Variants in PSPC1 observed in about 807,000 individuals in gnomAD.
PSPC1 encodes paraspeckle component 1.
PSPC1 carries 14 observed loss-of-function variants against 51.6 expected under a neutral mutation model. The observed-to-expected ratio is 0.27, with a 90% CI of 0.18 to 0.42. The LOEUF (loss-of-function observed/expected upper bound fraction) is 0.42. Ranked by LOEUF, PSPC1 falls within the 10% of genes least tolerant of loss-of-function variation. The probability of loss-of-function intolerance (pLI) is 1.00; values close to 1 mark genes in which losing one functional copy is unlikely to be tolerated. For synonymous variants in PSPC1, 193 were observed against 231.9 expected (o/e 0.83, Z 1.53); for missense variants, 406 against 701.1 (o/e 0.58, Z 4.75).
chr13:19,767,262 G>A (rs991846488), intron 2 of PSPC1, among the ~76,000 whole-genome samples: 1 of 152,136 alleles, frequency 6.6e-6, no homozygotes, highest in Non-Finnish European at 1.5e-5. Context: ...CACAATCTCT[G>A]ACAAGATTGT....
intron 3 of PSPC1, among the ~76,000 whole-genome samples, chr13:19,756,490 CA>C (rs917449593): frequency 4.6e-5 from 7 of 151,760 alleles, no homozygotes; most frequent in African/African-American, 1.7e-4. Context: ...GGCATGCTGG[CA>C]AAAGGGTAAA....
downstream of PSPC1, among the ~76,000 whole-genome samples, chr13:19,701,356 A>G (rs1392373539): frequency 6.6e-6 from 1 of 151,260 alleles, no homozygotes; most frequent in Non-Finnish European, 1.5e-5. Context: ...TGCAATAGAT[A>G]TCACTGAAAA....
chr13:19,763,821 T>C (rs1209858135), intron 2 of PSPC1, among the ~76,000 whole-genome samples: 1 of 151,890 alleles, frequency 6.6e-6, no homozygotes, highest in Non-Finnish European at 1.5e-5. Context: ...GCCAACATGG[T>C]AAAACCCCAT....
chr13:19,728,681 ACTGTGAAG>A (rs1335725888), intron 6 of PSPC1, among the ~76,000 whole-genome samples: 1 of 152,184 alleles, frequency 6.6e-6, no homozygotes. Flanking sequence ...AGTAAGAGGC[ACTGTGAAG>A]CTTGGAACCA....
At chr13:19,750,010 GA>G (rs1358932973) in intron 4 of PSPC1, among the ~76,000 whole-genome samples, 11 of 152,060 alleles carry the variant, frequency 7.2e-5, no homozygotes, top group African/African-American at 2.7e-4. Flanking sequence ...AACATTTACT[GA>G]ATAGTGATGT....
At chr13:19,745,190 C>T (rs1309425201) in intron 4 of PSPC1, among the ~76,000 whole-genome samples, 3 of 152,010 alleles carry the variant, frequency 2.0e-5, no homozygotes, top group South Asian at 2.1e-4. Flanking sequence ...TGGTGGCACA[C>T]GCCTGTAGTC....
intron 5 of PSPC1, among the ~76,000 whole-genome samples, chr13:19,740,894 A>G (rs1427624058): frequency 6.9e-6 from 1 of 144,194 alleles, no homozygotes; most frequent in Admixed American, 6.9e-5. Context: ...TTTTTTTTTG[A>G]GATGGAGTCT....
intron 6 of PSPC1, among the ~76,000 whole-genome samples, chr13:19,686,989 G>C (rs1385087294): frequency 1.3e-5 from 2 of 152,078 alleles, no homozygotes; most frequent in Non-Finnish European, 2.9e-5. Flanking sequence ...CTGAGGTCGG[G>C]AGTTCGAGAC....
At chr13:19,749,918 T>C (rs1368044923) in intron 4 of PSPC1, among the ~76,000 whole-genome samples, 5 of 152,198 alleles carry the variant, frequency 3.3e-5, no homozygotes, top group East Asian at 1.9e-4. Flanking sequence ...AACTAGTTTC[T>C]ATGGTTTGCT....
chr13:19,731,730 C>A (rs573702605), intron 5 of PSPC1, among the ~76,000 whole-genome samples: 1 of 152,160 alleles, frequency 6.6e-6, no homozygotes, highest in African/African-American at 2.4e-5. Flanking sequence ...TTCCTGATAG[C>A]CAACATGATG....
At chr13:19,705,538 C>G (rs1269502146) in intron 8 of PSPC1, 124 bp downstream of exon 8, 1 of 692,734 alleles carries the variant, frequency 1.4e-6, no homozygotes, top group African/African-American at 1.8e-5. Context: ...TATGATGTCA[C>G]AAAATTTTCT....
intron 6 of PSPC1, among the ~76,000 whole-genome samples, chr13:19,695,836 CAATT>C (rs909915059): frequency 1.3e-5 from 2 of 150,624 alleles, no homozygotes; most frequent in Admixed American, 6.6e-5. Context: ...TGACTGAAGA[CAATT>C]AGTAATACAT....
At chr13:19,725,773 C>T (rs1280209566) in intron 6 of PSPC1, among the ~76,000 whole-genome samples, 1 of 152,138 alleles carries the variant, frequency 6.6e-6, no homozygotes, top group Non-Finnish European at 1.5e-5. Context: ...ATGTCCTGCA[C>T]ATATAGTCTG....
rs1890134753 is a variant in PSPC1 at position 19,782,924 on chromosome 13, G to A, written c.-167C>T. The A allele has an allele frequency of 3.1e-6, 2 of 648,810 alleles. No homozygotes were observed. Among genetic ancestry groups the A allele is most frequent in the Non-Finnish European group, 2.3e-6 (1 of 432,912 alleles). 40.2% of individuals were successfully genotyped at this position (648,810 alleles called of 1,614,324 possible). ...CGTCCTCCCCCAACTCACGCCCGCT[G>A]CAGCTGCACATTCAAAATGGCGCTG... On this transcript the variant is annotated 5_prime_UTR_variant, in exon 1 of 9. Transcript: ENST00000338910. The surrounding 1 kb of genome is among the most constrained non-coding windows in gnomAD (Gnocchi z 4.5).
intron 4 of PSPC1, among the ~76,000 whole-genome samples, chr13:19,745,792 C>T (rs1411626919): frequency 2.0e-5 from 3 of 151,552 alleles, no homozygotes; most frequent in Admixed American, 2.0e-4. Flanking sequence ...GCTAATTTTT[C>T]GTATTTCCAA....
At chr13:19,677,925 T>C (rs1876849407) in intron 6 of PSPC1, 6 of 438,206 alleles carry the variant, frequency 1.4e-5, no homozygotes, top group South Asian at 4.8e-5. Context: ...ATAACAGTAA[T>C]TGAGGTTTCG....
At chr13:19,766,593 G>A (rs1018877411) in intron 2 of PSPC1, among the ~76,000 whole-genome samples, 3 of 152,128 alleles carry the variant, frequency 2.0e-5, no homozygotes, top group South Asian at 2.1e-4. Flanking sequence ...GCTGAGGTGG[G>A]AGGATCATGT....
At chr13:19,731,979 C>T (rs561624196) in intron 5 of PSPC1, among the ~76,000 whole-genome samples, 3 of 152,226 alleles carry the variant, frequency 2.0e-5, no homozygotes, top group Admixed American at 6.5e-5. Flanking sequence ...ACTCTTATAA[C>T]GTACTTTTCC....
At chr13:19,716,626 C>T (rs993377276) in intron 6 of PSPC1, among the ~76,000 whole-genome samples, 4 of 151,852 alleles carry the variant, frequency 2.6e-5, no homozygotes, top group African/African-American at 7.3e-5. Flanking sequence ...AACGAAAATG[C>T]TAAAATAATG....
Sources: gnomAD v4.1 joint callset for allele counts (sites outside exome capture counted in the v4.1 genomes callset) on GRCh38, gnomAD v4.1.1 for gene constraint, Gnocchi (gnomAD v3.1) non-coding constraint, MANE v1.5 for transcripts, NCBI Gene and HGNC (gene_info 2026-07-23, HGNC 2026-07-21) for gene names.